Variants in CAST observed in about 807,000 individuals in gnomAD.
The protein encoded by CAST is calpastatin.
A neutral mutation model predicts 119.6 loss-of-function variants in CAST; 76 were observed. The observed-to-expected ratio is 0.64, with a 90% CI of 0.53 to 0.77. The LOEUF is 0.77. Among genes scored for constraint, CAST ranks in the 30% least tolerant of loss-of-function variants. The pLI, the probability that CAST is intolerant of heterozygous loss-of-function variation, is 0.00. For missense variants in CAST, 953 were observed against 946.5 expected, an observed-to-expected ratio of 1.01 and a Z score of -0.09; for synonymous variants, 319 against 331.6, an observed-to-expected ratio of 0.96 and a Z score of 0.41.
the CAST span, among the ~76,000 whole-genome samples, chr5:96,184,811 A>G: frequency 1.3e-5 from 2 of 152,214 alleles, no homozygotes; most frequent in Non-Finnish European, 2.9e-5. Flanking sequence ...TGCTGCAGTA[A>G]ACATATGCAT....
At chr5:96,377,423 A>AT in the CAST span, among the ~76,000 whole-genome samples, 8 of 151,764 alleles carry the variant, frequency 5.3e-5, no homozygotes, top group South Asian at 6.2e-4. Context: ...CAGGCGAATC[A>AT]TTTTTTTTCT....
chr5:96,447,844 G>T, the CAST span, among the ~76,000 whole-genome samples: 1 of 151,806 alleles, frequency 6.6e-6, no homozygotes, highest in South Asian at 2.1e-4. Context: ...AATTAAATTG[G>T]CTCTAATGCT....
chr5:96,713,191 G>C (rs748682587), intron 3 of CAST, among the ~76,000 whole-genome samples: 8 of 150,372 alleles, frequency 5.3e-5, no homozygotes, highest in Admixed American at 3.3e-4. Flanking sequence ...GAGTGCAGTG[G>C]TGCAATCTTG....
intron 2 of CAST, among the ~76,000 whole-genome samples, chr5:96,694,832 A>T (rs1237881941): frequency 1.3e-5 from 2 of 152,238 alleles, no homozygotes; most frequent in Admixed American, 6.5e-5. Flanking sequence ...AAAAAGCCCA[A>T]GAAGGATTTT....
chr5:96,045,321 C>T, the CAST span, among the ~76,000 whole-genome samples: 1 of 151,006 alleles, frequency 6.6e-6, no homozygotes, highest in Non-Finnish European at 1.5e-5. Flanking sequence ...CCATTGCACT[C>T]CAGCCTGGGT....
the CAST span, among the ~76,000 whole-genome samples, chr5:96,065,383 C>A: frequency 2.0e-5 from 3 of 149,482 alleles, no homozygotes; most frequent in East Asian, 3.9e-4. Flanking sequence ...TTCTTTATAT[C>A]CTATGGTGGT....
At chr5:96,452,640 T>TAAAAAAAAAAAA in the CAST span, among the ~76,000 whole-genome samples, 16 of 90,134 alleles carry the variant, frequency 1.8e-4, 1 homozygote, top group East Asian at 1.3e-3. Flanking sequence ...TAAAGTATAA[T>TAAAAAAAAAAAA]AAAAAAAAAA....
chr5:96,763,275 G>C (rs778641362), intron 25 of CAST: 2 of 780,294 alleles, frequency 2.6e-6, no homozygotes, highest in East Asian at 2.4e-5. Flanking sequence ...ACCTGGCCCC[G>C]GGCAGCTCTA....
intron 1 of CAST, among the ~76,000 whole-genome samples, chr5:96,664,449 G>T (rs573462211): frequency 6.6e-6 from 1 of 151,380 alleles, no homozygotes; most frequent in African/African-American, 2.4e-5. Context: ...TACTGTACAG[G>T]GTCTCTCTCA....
chr5:96,339,780 T>G, the CAST span, among the ~76,000 whole-genome samples: 2 of 152,170 alleles, frequency 1.3e-5, no homozygotes, highest in Admixed American at 6.5e-5. Flanking sequence ...GTGTTTGATT[T>G]GCAGGTAGAG....
intron 16 of CAST, among the ~76,000 whole-genome samples, chr5:96,745,940 T>TGCTG (rs1261965077): frequency 6.6e-6 from 1 of 152,246 alleles, no homozygotes; most frequent in African/African-American, 2.4e-5. Flanking sequence ...TGCAACTAAC[T>TGCTG]GCTGCACTGT....
At chr5:96,162,670 A>G in the CAST span, among the ~76,000 whole-genome samples, 97,214 of 151,988 alleles carry the variant, frequency 0.64, 31,560 homozygotes, top group African/African-American at 0.72. Flanking sequence ...CATCCGCCTC[A>G]GCTTCCCAAA....
At chr5:96,077,585 T>C in the CAST span, among the ~76,000 whole-genome samples, 1 of 152,230 alleles carries the variant, frequency 6.6e-6, no homozygotes, top group Non-Finnish European at 1.5e-5. Context: ...GATAGATTAA[T>C]GCCCTTCCTG....
chr5:96,530,420 C>A (rs1191505268), intron 1 of CAST, among the ~76,000 whole-genome samples: 1 of 152,146 alleles, frequency 6.6e-6, no homozygotes, highest in Non-Finnish European at 1.5e-5. Flanking sequence ...ATACTGGAAA[C>A]CAATAATTGA....
the CAST span, among the ~76,000 whole-genome samples, chr5:96,302,454 G>A: frequency 1.3e-5 from 2 of 151,928 alleles, no homozygotes; most frequent in Middle Eastern, 3.2e-3. Flanking sequence ...CGAGAAAATG[G>A]GTTTTTCTTT....
At chr5:96,423,781 C>T in the CAST span, among the ~76,000 whole-genome samples, 1 of 152,210 alleles carries the variant, frequency 6.6e-6, no homozygotes, top group African/African-American at 2.4e-5. Context: ...TCAACCCTTT[C>T]ATCTATGGAA....
At chr5:96,532,758 G>C (rs950003887) in intron 1 of CAST, among the ~76,000 whole-genome samples, 3 of 152,140 alleles carry the variant, frequency 2.0e-5, no homozygotes, top group African/African-American at 7.2e-5. Flanking sequence ...GCTGAAGCAG[G>C]AGAATCACTT....
At chr5:96,063,411 G>A in the CAST span, among the ~76,000 whole-genome samples, 2 of 152,164 alleles carry the variant, frequency 1.3e-5, no homozygotes, top group African/African-American at 4.8e-5. Context: ...AGGATTGGCT[G>A]AGTCTTTTGT....
chr5:96,112,111 T>C, the CAST span, among the ~76,000 whole-genome samples: 1 of 151,760 alleles, frequency 6.6e-6, no homozygotes, highest in Admixed American at 6.6e-5. Flanking sequence ...TAATATATTC[T>C]CAGTTATTAA....
Sources: gnomAD v4.1 joint callset for allele counts (sites outside exome capture counted in the v4.1 genomes callset) on GRCh38, gnomAD v4.1.1 for gene constraint, MANE v1.5 for transcripts, NCBI Gene and HGNC (gene_info 2026-07-23, HGNC 2026-07-21) for gene names.